The following ATP8A2 variants were observed in gnomAD, a reference collection of about 807,000 sequenced individuals.
The protein encoded by ATP8A2 is ATPase phospholipid transporting 8A2.
In ATP8A2, 100 loss-of-function variants were observed where a neutral mutation model predicts 165.6. The observed-to-expected ratio is 0.60, with a 90% confidence interval of 0.51 to 0.71. ATP8A2 has a LOEUF of 0.71. ATP8A2 is among the 30% of genes least tolerant of loss of function. ATP8A2 has a pLI of 0.00. For missense variants in ATP8A2, 1,227 were observed against 1,479.5 expected (o/e 0.83, Z 2.80); for synonymous variants, 543 against 548.8 (o/e 0.99, Z 0.15).
intron 1 of ATP8A2, among the ~76,000 whole-genome samples, chr13:25,452,821 A>T (rs1376313946): frequency 1.3e-5 from 2 of 152,108 alleles, no homozygotes; most frequent in Admixed American, 1.3e-4. Context: ...GTAGGCTGGG[A>T]GGATCGCTCA....
At chr13:25,606,078 G>T (rs759576125) in intron 24 of ATP8A2, among the ~76,000 whole-genome samples, 2 of 152,180 alleles carry the variant, frequency 1.3e-5, no homozygotes, top group Non-Finnish European at 2.9e-5. Context: ...ATAAATGTTG[G>T]AAATGTGGGT....
chr13:25,467,496 A>G (rs745596699), intron 1 of ATP8A2, among the ~76,000 whole-genome samples: 1 of 152,096 alleles, frequency 6.6e-6, no homozygotes, highest in Non-Finnish European at 1.5e-5. Flanking sequence ...GTGTTTCTCT[A>G]TGACAGTGAA....
chr13:25,667,189 G>A (rs551089579), intron 24 of ATP8A2, among the ~76,000 whole-genome samples: 3 of 152,148 alleles, frequency 2.0e-5, no homozygotes, highest in East Asian at 3.9e-4. Context: ...TGTCTCTATG[G>A]ATTTACCCAC....
intron 33 of ATP8A2, among the ~76,000 whole-genome samples, chr13:25,946,324 A>G (rs886671877): frequency 6.6e-6 from 1 of 152,172 alleles, no homozygotes; most frequent in Non-Finnish European, 1.5e-5. Flanking sequence ...CAAATCTGAG[A>G]TACAGATTGA....
At chr13:25,550,060 T>C (rs1007112226) in intron 10 of ATP8A2, among the ~76,000 whole-genome samples, 8 of 152,112 alleles carry the variant, frequency 5.3e-5, no homozygotes, top group African/African-American at 1.7e-4. Flanking sequence ...ATCCCAGCAC[T>C]TGGGGAGGCC....
chr13:25,382,983 C>T (rs899605028), intron 1 of ATP8A2, among the ~76,000 whole-genome samples: 21 of 151,338 alleles, frequency 1.4e-4, no homozygotes, highest in African/African-American at 4.6e-4. Flanking sequence ...TCTCCATCTC[C>T]TGACTTCGTG....
intron 33 of ATP8A2, among the ~76,000 whole-genome samples, chr13:25,904,687 C>G (rs184905940): frequency 1.8e-4 from 28 of 152,278 alleles, no homozygotes; most frequent in Admixed American, 1.8e-3. Context: ...CTAATGCTCT[C>G]TCTTTTTCCT....
intron 1 of ATP8A2, among the ~76,000 whole-genome samples, chr13:25,385,493 G>A (rs7320339): frequency 0.06 from 9,104 of 152,106 alleles, 774 homozygotes; most frequent in African/African-American, 0.19. Flanking sequence ...AACTTAATAA[G>A]TATTACCTAT....
intron 25 of ATP8A2, among the ~76,000 whole-genome samples, chr13:25,711,609 G>A (rs147187848): frequency 2.0e-5 from 3 of 152,152 alleles, no homozygotes; most frequent in Non-Finnish European, 4.4e-5. Context: ...ACACTATGGA[G>A]GTCAAGTTAG....
intron 25 of ATP8A2, among the ~76,000 whole-genome samples, chr13:25,722,667 A>G (rs972740047): frequency 1.3e-5 from 2 of 150,130 alleles, no homozygotes; most frequent in South Asian, 2.1e-4. Flanking sequence ...TTAGTTGTCT[A>G]TTTTGACTTT....
intron 33 of ATP8A2, among the ~76,000 whole-genome samples, chr13:25,877,620 G>T (rs1952851431): frequency 6.6e-6 from 1 of 152,160 alleles, no homozygotes; most frequent in Non-Finnish European, 1.5e-5. Context: ...TTCAGTAGTA[G>T]TTACTTAAGG....
At chr13:25,943,537 G>T (rs756223245) in intron 33 of ATP8A2, among the ~76,000 whole-genome samples, 5 of 152,176 alleles carry the variant, frequency 3.3e-5, no homozygotes, top group Non-Finnish European at 5.9e-5. Context: ...GGTGTCTAGT[G>T]TGCAATCCCA....
chr13:25,949,613 C>T (rs1955298977), intron 33 of ATP8A2, among the ~76,000 whole-genome samples: 1 of 152,154 alleles, frequency 6.6e-6, no homozygotes, highest in Non-Finnish European at 1.5e-5. Context: ...TTCCTGGAAG[C>T]TGCAGTCTCA....
chr13:25,941,730 T>G (rs143032682), intron 33 of ATP8A2, among the ~76,000 whole-genome samples: 38 of 152,252 alleles, frequency 2.5e-4, no homozygotes, highest in African/African-American at 8.9e-4. Context: ...ATCTCAGGCC[T>G]CACACCAAGC....
In ATP8A2 at chr13:25,464,268, C is replaced by T. The variant is rs146105114; in HGVS notation, c.77-4709C>T. Among the ~76,000 whole-genome samples the T allele has an allele frequency of 2.6e-5, 4 of 152,040 alleles. No individual in the cohort carries two copies. The East Asian group carries it at 7.7e-4, about 29-fold the overall frequency. On this transcript the variant is annotated intron_variant, in intron 1 of 36. Coordinates refer to ENST00000381655, the MANE Select transcript of ATP8A2 (RefSeq NM_016529.6). ...TCTTTAACCCTTTTTGCTTTTCCAT[C>T]TTATAGGGAAAAACAGGTTCTCTGC...
chr13:25,932,448 G>A (rs968020181), intron 33 of ATP8A2, among the ~76,000 whole-genome samples: 1 of 152,188 alleles, frequency 6.6e-6, no homozygotes, highest in African/African-American at 2.4e-5. Context: ...TCCCTCTGGG[G>A]TGGCTCTCGA....
intron 33 of ATP8A2, among the ~76,000 whole-genome samples, chr13:25,946,862 C>G (rs111449566): frequency 3.3e-5 from 5 of 152,136 alleles, no homozygotes; most frequent in Non-Finnish European, 7.3e-5. Context: ...ATTCTCCTGC[C>G]TCAGCCTCCC....
chr13:25,618,893 A>G (rs866296000), intron 24 of ATP8A2, among the ~76,000 whole-genome samples: 2 of 152,248 alleles, frequency 1.3e-5, no homozygotes, highest in African/African-American at 4.8e-5. Flanking sequence ...TTAGCATTGA[A>G]ATGAAAGAAC....
chr13:25,496,289 TGA>T (rs1436296581), intron 2 of ATP8A2, among the ~76,000 whole-genome samples: 2 of 152,158 alleles, frequency 1.3e-5, no homozygotes, highest in African/African-American at 2.4e-5. Flanking sequence ...CTGGGGAAAC[TGA>T]GAGTCTCACA....
Sources: gnomAD v4.1 joint callset for allele counts (sites outside exome capture counted in the v4.1 genomes callset) on GRCh38, gnomAD v4.1.1 for gene constraint, MANE v1.5 for transcripts, NCBI Gene and HGNC (gene_info 2026-07-23, HGNC 2026-07-21) for gene names.